The following COL4A6 variants were observed in gnomAD, a reference collection of about 807,000 sequenced individuals.
The protein encoded by COL4A6 is collagen alpha-6(IV) chain.
A neutral mutation model predicts 126.7 loss-of-function variants in COL4A6; 59 were observed. The ratio of observed to expected loss-of-function variants is 0.47; its 90% CI spans 0.38 to 0.58. The LOEUF is 0.58. Ranked by LOEUF, COL4A6 falls within the 20% of genes least tolerant of loss-of-function variation. COL4A6 has a pLI of 0.00. For synonymous variants in COL4A6, 547 were observed against 496.6 expected, an observed-to-expected ratio of 1.10 and a Z score of -1.35; for missense variants, 1,285 against 1,337.3, an observed-to-expected ratio of 0.96 and a Z score of 0.61.
chrX:108,310,738 A>C lies in COL4A6; in HGVS notation c.144+10T>G. ...CTATTTGTCTTTCAACAATGAAATAAGCAACTTACTCTCGCTCCTTTCTCA... is the reference window on the plus strand; with the variant it reads ...CTATTTGTCTTTCAACAATGAAATACGCAACTTACTCTCGCTCCTTTCTCA... On this transcript the variant is annotated intron_variant, in intron 3 of 44. Coordinates refer to ENST00000334504, the MANE Select transcript of COL4A6 (RefSeq NM_033641.4). 1 of 1,201,430 alleles carries C rather than the reference A, an allele frequency of 8.3e-7. No homozygotes were observed. Among genetic ancestry groups the C allele is most frequent in the Non-Finnish European group, 1.1e-6 (1 of 886,819 alleles).
chrX:108,253,535 C>T (rs1194591411), intron 3 of COL4A6, among the ~76,000 whole-genome samples: 3 of 112,087 alleles, frequency 2.7e-5, no homozygotes, highest in Non-Finnish European at 5.7e-5. Flanking sequence ...ATGTAATGAG[C>T]TGCTTGAGGG....
intron 41 of COL4A6, among the ~76,000 whole-genome samples, chrX:108,161,960 T>G (rs1459017081): frequency 8.9e-6 from 1 of 112,612 alleles, no homozygotes; most frequent in Non-Finnish European, 1.9e-5. Context: ...TTAGCCTTTC[T>G]GAGCCCCTTC....
chrX:108,415,338 A>G, intron 2 of COL4A6, among the ~76,000 whole-genome samples: 1 of 111,741 alleles, frequency 8.9e-6, no homozygotes, highest in African/African-American at 3.3e-5. Context: ...TAATGCCTAT[A>G]TTATTTATTT....
upstream of COL4A6, chrX:108,438,427 C>T: frequency 9.8e-7 from 1 of 1,017,068 alleles, no homozygotes; most frequent in Non-Finnish European, 1.2e-6. Context: ...GGAGATAGTT[C>T]CATGCAGCAG....
chrX:108,352,502 T>C (rs1275385282), intron 2 of COL4A6, among the ~76,000 whole-genome samples: 1 of 112,132 alleles, frequency 8.9e-6, no homozygotes, highest in Non-Finnish European at 1.9e-5. Context: ...CTTACTATGT[T>C]TCTAGCACTG....
At chrX:108,428,442 T>C (rs1212628929) in intron 2 of COL4A6, among the ~76,000 whole-genome samples, 1 of 112,002 alleles carries the variant, frequency 8.9e-6, no homozygotes, top group Admixed American at 9.5e-5. Context: ...AGCACCTACC[T>C]GGTGCATGGC....
chrX:108,165,545 C>T, intron 37 of COL4A6, 59 bp from the exon 38 acceptor site: 1 of 839,592 alleles, frequency 1.2e-6, no homozygotes, highest in East Asian at 3.3e-5. Flanking sequence ...GATGGCCAGG[C>T]TCTTTCAGAG....
chrX:108,414,601 G>A (rs888211946), intron 2 of COL4A6, among the ~76,000 whole-genome samples: 16 of 93,735 alleles, frequency 1.7e-4, no homozygotes, highest in East Asian at 3.2e-4. Flanking sequence ...GCAACATAGC[G>A]AGACCCTGCC....
intron 3 of COL4A6, among the ~76,000 whole-genome samples, chrX:108,305,534 A>T (rs987442124): frequency 1.8e-5 from 2 of 111,985 alleles, no homozygotes; most frequent in African/African-American, 6.5e-5. Flanking sequence ...AGATTATGGC[A>T]GGACAGTGGC....
At chrX:108,373,026 C>A (rs191440100) in intron 2 of COL4A6, among the ~76,000 whole-genome samples, 1 of 111,906 alleles carries the variant, frequency 8.9e-6, no homozygotes, top group East Asian at 2.8e-4. Context: ...ACATATCTAT[C>A]TAATGCATTT....
At chrX:108,368,118 G>A (rs914655043) in intron 2 of COL4A6, among the ~76,000 whole-genome samples, 1 of 108,460 alleles carries the variant, frequency 9.2e-6, no homozygotes, top group Admixed American at 9.9e-5. Flanking sequence ...CCACCATGGT[G>A]CCTTCTGAGA....
intron 2 of COL4A6, among the ~76,000 whole-genome samples, chrX:108,328,693 T>C (rs778254733): frequency 8.9e-6 from 1 of 112,239 alleles, no homozygotes; most frequent in South Asian, 3.7e-4. Flanking sequence ...AACTACTTCA[T>C]GATCTGGCAA....
At chrX:108,363,318 A>G (rs990950736) in intron 2 of COL4A6, among the ~76,000 whole-genome samples, 1 of 112,056 alleles carries the variant, frequency 8.9e-6, no homozygotes, top group Non-Finnish European at 1.9e-5. Flanking sequence ...ATAAATCTCT[A>G]TATGTGGACC....
intron 3 of COL4A6, among the ~76,000 whole-genome samples, chrX:108,265,974 A>T (rs1284335312): frequency 8.9e-6 from 1 of 111,815 alleles, no homozygotes; most frequent in Non-Finnish European, 1.9e-5. Flanking sequence ...TTAATGCATG[A>T]CTCAGAACTA....
At chrX:108,321,481 A>G (rs1426235073) in intron 2 of COL4A6, among the ~76,000 whole-genome samples, 2 of 111,629 alleles carry the variant, frequency 1.8e-5, no homozygotes, top group East Asian at 5.6e-4. Flanking sequence ...TTTTATCAAT[A>G]TTACTCTACT....
chrX:108,374,577 G>C (rs1294128422), intron 2 of COL4A6, among the ~76,000 whole-genome samples: 1 of 111,932 alleles, frequency 8.9e-6, no homozygotes, highest in Non-Finnish European at 1.9e-5. Flanking sequence ...TCTCAGGAGT[G>C]AGTAAATTCT....
At chrX:108,211,603 G>A (rs1441405853) in intron 7 of COL4A6, 69 bp downstream of exon 7, 1 of 980,868 alleles carries the variant, frequency 1.0e-6, no homozygotes, top group Non-Finnish European at 1.4e-6. Context: ...TGTTTTCACT[G>A]GAGGTGGGGC....
chrX:108,223,375 A>T (rs759707565), intron 3 of COL4A6, among the ~76,000 whole-genome samples: 35 of 112,015 alleles, frequency 3.1e-4, no homozygotes, highest in Non-Finnish European at 5.3e-4. Context: ...AACTTGAAGT[A>T]TAATTTTTTT....
chrX:108,359,271 G>C (rs1045031355), intron 2 of COL4A6, among the ~76,000 whole-genome samples: 3 of 112,116 alleles, frequency 2.7e-5, no homozygotes, highest in Non-Finnish European at 3.8e-5. Flanking sequence ...AGACAATTGA[G>C]GGCCAAAGAA....
Sources: allele counts gnomAD v4.1 joint callset (sites outside exome capture counted in the v4.1 genomes callset), GRCh38; gene constraint gnomAD v4.1.1; transcripts MANE v1.5; gene names NCBI Gene and HGNC (gene_info 2026-07-23, HGNC 2026-07-21).